HERC2: variants seen among roughly 807,000 people sequenced by gnomAD.
HERC2 encodes HECT and RLD domain containing E3 ubiquitin protein ligase 2, also known as E3 ubiquitin-protein ligase HERC2.
A neutral mutation model predicts 537.7 loss-of-function variants in HERC2; 102 were observed. The observed-to-expected ratio is 0.19, with a 90% CI of 0.16 to 0.22. The LOEUF is 0.22. Ranked by LOEUF, HERC2 falls within the 10% of genes least tolerant of loss-of-function variation. The pLI, the probability that HERC2 is intolerant of heterozygous loss-of-function variation, is 1.00. For synonymous variants in HERC2, 2,224 were observed against 2,466.2 expected, an observed-to-expected ratio of 0.90 and a Z score of 2.91; for missense variants, 4,236 against 6,198.2, an observed-to-expected ratio of 0.68 and a Z score of 10.63.
intron 79 of HERC2, 111 bp downstream of exon 79, chr15:28,135,367 G>T: frequency 1.3e-6 from 1 of 783,672 alleles, no homozygotes; most frequent in South Asian, 1.7e-5. Flanking sequence ...TTTAGTTTGA[G>T]AGTATTGTAA....
rs758679328 is a variant in HERC2, at chr15:28,262,008, C to T, written c.2122+910G>A. 9.2e-5 allele frequency among the ~76,000 whole-genome samples: 14 copies of T among 152,242 alleles called. 1 individual carries two copies. In the Middle Eastern group the frequency reaches 0.01, roughly 111 times the overall value. On this transcript the variant is annotated intron_variant, in intron 15 of 92. Transcript: ENST00000261609. ...TGAAGACACTGGTGTTGGAACACTG[C>T]CAGGTCCACCTACTTCAAATACAAT...
At chr15:28,147,591 C>T (rs930246514) in intron 70 of HERC2, among the ~76,000 whole-genome samples, 6 of 151,986 alleles carry the variant, frequency 3.9e-5, no homozygotes, top group Non-Finnish European at 5.9e-5. Context: ...GAGCCACGAT[C>T]GTGCTACCAT....
intron 83 of HERC2, 36 bp downstream of exon 83, chr15:28,130,127 C>T (rs1889953401): frequency 6.2e-7 from 1 of 1,610,496 alleles, no homozygotes; most frequent in Non-Finnish European, 8.5e-7. Context: ...CTTAGATTCA[C>T]AGGCCTCAGT....
At position 28,119,213 on chromosome 15, in the gene HERC2, T is replaced by C. The variant is rs189405646; in HGVS notation, c.13273-2059A>G. Among the ~76,000 whole-genome samples the C allele has an allele frequency of 4.3e-4, 66 of 151,904 alleles. No individual in the cohort carries two copies. In the East Asian group the frequency reaches 7.9e-3, roughly 18 times the overall value. Reference sequence around the variant, plus strand: ...GAGTTTGGGACCAGCCTGGCCAACATGGTGAAATTGTCTCTACTAAAAATA... The same window carrying C: ...GAGTTTGGGACCAGCCTGGCCAACACGGTGAAATTGTCTCTACTAAAAATA... On this transcript the variant is annotated intron_variant, in intron 86 of 92. Transcript: ENST00000261609.
At chr15:28,173,071 T>C (rs1894849586) in intron 65 of HERC2, among the ~76,000 whole-genome samples, 1 of 152,208 alleles carries the variant, frequency 6.6e-6, no homozygotes, top group Non-Finnish European at 1.5e-5. Flanking sequence ...TCTATCAGTA[T>C]AACTAAAATT....
chr15:28,196,980 G>C (rs2525934), intron 50 of HERC2, among the ~76,000 whole-genome samples: 1 of 152,164 alleles, frequency 6.6e-6, no homozygotes, highest in Non-Finnish European at 1.5e-5. Context: ...GACTTCTTTC[G>C]TCCTTTGATA....
intron 44 of HERC2, among the ~76,000 whole-genome samples, chr15:28,207,623 C>T (rs982276418): frequency 2.6e-5 from 4 of 152,104 alleles, no homozygotes; most frequent in African/African-American, 9.7e-5. Flanking sequence ...TTAGGTGCAG[C>T]CTTTAGGACT....
chr15:28,271,948 C>T (rs530577783), intron 9 of HERC2: 3 of 488,776 alleles, frequency 6.1e-6, no homozygotes, highest in South Asian at 6.7e-5. Context: ...AAGCAGGCCG[C>T]TATTTTCGTT....
chr15:28,270,915 A>C (rs778978130), intron 9 of HERC2, 47 bp from the exon 10 acceptor site: 31 of 1,548,100 alleles, frequency 2.0e-5, no homozygotes, highest in Non-Finnish European at 2.7e-6. Context: ...GGGAAAAATT[A>C]AAGTTAACAC....
At chr15:28,141,175 T>C (rs978789368) in intron 78 of HERC2, among the ~76,000 whole-genome samples, 2 of 150,906 alleles carry the variant, frequency 1.3e-5, no homozygotes, top group Non-Finnish European at 2.9e-5. Flanking sequence ...GAGGTGGAGG[T>C]TGCAGTGAGC....
intron 36 of HERC2, among the ~76,000 whole-genome samples, chr15:28,221,816 G>A (rs1050287212): frequency 5.9e-5 from 9 of 151,662 alleles, no homozygotes; most frequent in Non-Finnish European, 8.8e-5. Context: ...GAAAAGAGCT[G>A]CCTCTCTTTC....
chr15:28,190,261 T>C (rs1293323116), intron 55 of HERC2: 1 of 151,138 alleles, frequency 6.6e-6, no homozygotes, highest in Non-Finnish European at 1.5e-5. Context: ...GCTCGTGATC[T>C]GCCCGCCTCA....
At chr15:28,202,713 A>C in intron 45 of HERC2, 99 bp from the exon 46 acceptor site, 1 of 436,430 alleles carries the variant, frequency 2.3e-6, no homozygotes, top group Non-Finnish European at 3.9e-6. Flanking sequence ...TGTGAACTGC[A>C]GTATGCAAGT....
chr15:28,138,203 A>T (rs1890846058), intron 78 of HERC2, among the ~76,000 whole-genome samples: 1 of 152,216 alleles, frequency 6.6e-6, no homozygotes, highest in Admixed American at 6.5e-5. Context: ...GTGCTGATGT[A>T]GAAGCTGCAG....
chr15:28,217,843 A>G (rs1247221704), intron 38 of HERC2, among the ~76,000 whole-genome samples: 1 of 151,998 alleles, frequency 6.6e-6, no homozygotes, highest in Non-Finnish European at 1.5e-5. Context: ...ACACCAAGGA[A>G]GCCTGGAGCT....
At chr15:28,169,154 A>AC (rs1894449404) in intron 66 of HERC2, among the ~76,000 whole-genome samples, 1 of 152,276 alleles carries the variant, frequency 6.6e-6, no homozygotes, top group Non-Finnish European at 1.5e-5. Context: ...AAGTGAGCGA[A>AC]GGGGATGCTA....
At chr15:28,247,494 T>C (rs1903831782) in intron 21 of HERC2, among the ~76,000 whole-genome samples, 1 of 147,078 alleles carries the variant, frequency 6.8e-6, no homozygotes, top group Non-Finnish European at 1.5e-5. Flanking sequence ...AATGGTCTGA[T>C]CTCGGCTCAC....
chr15:28,116,565 T>G (rs1037283857), intron 88 of HERC2, 100 bp downstream of exon 88: 7 of 1,213,452 alleles, frequency 5.8e-6, no homozygotes, highest in Non-Finnish European at 8.1e-6. Flanking sequence ...AAAGCAGATA[T>G]TCAAGATATC....
At chr15:28,317,139 G>A (rs111645850) in intron 2 of HERC2, among the ~76,000 whole-genome samples, 50 of 151,890 alleles carry the variant, frequency 3.3e-4, no homozygotes, top group African/African-American at 1.2e-3. Flanking sequence ...TGGCCAGGCT[G>A]GAGTGCAATG....
Sources: gnomAD v4.1 joint callset for allele counts (sites outside exome capture counted in the v4.1 genomes callset) on GRCh38, gnomAD v4.1.1 for gene constraint, MANE v1.5 for transcripts, NCBI Gene and HGNC (gene_info 2026-07-23, HGNC 2026-07-21) for gene names.